AGBL1: variants seen among roughly 807,000 people sequenced by gnomAD.
The protein encoded by AGBL1 is cytosolic carboxypeptidase 4.
AGBL1 carries 130 observed loss-of-function variants against 118.9 expected under a neutral mutation model. The ratio of observed to expected loss-of-function variants is 1.09; its 90% CI spans 0.95 to 1.26. The LOEUF is 1.26. Ranked by LOEUF, AGBL1 falls within the 50% of genes most tolerant of loss-of-function variation. The pLI, the probability that AGBL1 is intolerant of heterozygous loss-of-function variation, is 0.00. For missense variants in AGBL1, 1,584 were observed against 1,298.1 expected (o/e 1.22, Z -3.38); for synonymous variants, 555 against 478.9 (o/e 1.16, Z -2.08).
At chr15:86,733,920 A>C (rs1309970835) in intron 22 of AGBL1, among the ~76,000 whole-genome samples, 4 of 151,854 alleles carry the variant, frequency 2.6e-5, no homozygotes, top group Admixed American at 6.6e-5. Context: ...TGCTGATGAG[A>C]CTACACAGTC....
At chr15:86,644,965 G>A (rs978468451) in intron 21 of AGBL1, among the ~76,000 whole-genome samples, 3 of 152,012 alleles carry the variant, frequency 2.0e-5, no homozygotes, top group South Asian at 4.1e-4. Context: ...AGGTTGCAGC[G>A]AGCGGAGATC....
chr15:86,969,535 G>A (rs918105381), intron 23 of AGBL1, among the ~76,000 whole-genome samples: 27 of 151,970 alleles, frequency 1.8e-4, no homozygotes, highest in African/African-American at 6.5e-4. Context: ...ATAGGCAAGT[G>A]TATTCATCAG....
chr15:86,899,114 A>G (rs1037655173), intron 22 of AGBL1, among the ~76,000 whole-genome samples: 1 of 152,200 alleles, frequency 6.6e-6, no homozygotes, highest in Admixed American at 6.5e-5. Flanking sequence ...CACGATACAC[A>G]ATAGCAAAGA....
At chr15:87,026,637 C>A (rs765532751) in intron 24 of AGBL1, among the ~76,000 whole-genome samples, 1 of 152,164 alleles carries the variant, frequency 6.6e-6, no homozygotes, top group Non-Finnish European at 1.5e-5. Flanking sequence ...CCAGCAATCC[C>A]ACTACTGATA....
intron 21 of AGBL1, among the ~76,000 whole-genome samples, chr15:86,568,130 A>G (rs2083944150): frequency 1.3e-5 from 2 of 152,148 alleles, no homozygotes; most frequent in Admixed American, 6.5e-5. Flanking sequence ...ACTGTCTAAT[A>G]TCCCATTGAG....
At chr15:86,670,718 A>G (rs1320633755) in intron 21 of AGBL1, among the ~76,000 whole-genome samples, 2 of 151,184 alleles carry the variant, frequency 1.3e-5, no homozygotes, top group African/African-American at 4.9e-5. Context: ...GTAATAGTCT[A>G]TCAATTTGCA....
intron 22 of AGBL1, among the ~76,000 whole-genome samples, chr15:86,742,900 C>G (rs1170889460): frequency 6.6e-6 from 1 of 152,080 alleles, no homozygotes; most frequent in Admixed American, 6.6e-5. Flanking sequence ...AATGAGAAAA[C>G]CAAACTGAAA....
At chr15:86,536,090 G>C (rs1019490037) in intron 19 of AGBL1, among the ~76,000 whole-genome samples, 1 of 152,080 alleles carries the variant, frequency 6.6e-6, no homozygotes, top group Non-Finnish European at 1.5e-5. Flanking sequence ...ATTTGGAATT[G>C]TTCCCATGCT....
At chr15:86,766,903 C>T (rs961460678) in intron 22 of AGBL1, among the ~76,000 whole-genome samples, 1 of 151,816 alleles carries the variant, frequency 6.6e-6, no homozygotes, top group Admixed American at 6.6e-5. Flanking sequence ...AGACAACCTA[C>T]AGACGCCATT....
intron 22 of AGBL1, among the ~76,000 whole-genome samples, chr15:86,820,344 A>G (rs568120893): frequency 2.0e-5 from 3 of 152,354 alleles, no homozygotes; most frequent in Admixed American, 2.0e-4. Flanking sequence ...CTATCACCAG[A>G]GTGAACAGGC....
chr15:86,444,405 G>T (rs2082098041), intron 18 of AGBL1, among the ~76,000 whole-genome samples: 1 of 152,158 alleles, frequency 6.6e-6, no homozygotes. Context: ...CTCAGCTATT[G>T]CATGATGGGA....
In AGBL1 at chr15:86,694,778, A is replaced by G. The variant is rs116407123; in HGVS notation, c.3158+20342A>G. On this transcript the variant is annotated intron_variant, in intron 22 of 22. Coordinates refer to ENST00000614907, the MANE Select transcript of AGBL1 (RefSeq NM_001386094.1). Reference sequence around the variant, plus strand: ...ATTAAGGTATGTCCCTTGTATGCCAATTTCGCTGAAGGTTTTAGTCATAAA... The same window carrying G: ...ATTAAGGTATGTCCCTTGTATGCCAGTTTCGCTGAAGGTTTTAGTCATAAA... Among the ~76,000 whole-genome samples, 216 of 152,144 alleles carry G rather than the reference A, an allele frequency of 1.4e-3. 2 individuals are homozygous for G. Among genetic ancestry groups the G allele is most frequent in the African/African-American group, 4.7e-3 (197 of 41,538 alleles).
rs144006774 is a variant in AGBL1 at position 86,846,033 on chromosome 15, A to T, written c.3159-61054A>T. 1.4e-3 allele frequency among the ~76,000 whole-genome samples: 216 copies of T among 152,336 alleles called. 1 individual carries two copies. The highest frequency in any genetic ancestry group is 6.8e-3 in the Middle Eastern group (2 of 294). On this transcript the variant is annotated intron_variant, in intron 22 of 22. Transcript: ENST00000614907. ...TTCAGTTTGCAAACTGATATTGCCA[A>T]TAAAACTCTCTTTTCTATTTAGCCA...
intron 9 of AGBL1, among the ~76,000 whole-genome samples, chr15:86,259,389 A>G (rs1446812463): frequency 1.3e-5 from 2 of 152,228 alleles, no homozygotes; most frequent in Non-Finnish European, 2.9e-5. Flanking sequence ...CTGTAAAATA[A>G]GAGTCAGTAA....
chr15:86,364,958 C>CACACATATATATAT (rs1474501613), intron 17 of AGBL1, among the ~76,000 whole-genome samples: 4 of 76,144 alleles, frequency 5.3e-5, no homozygotes, highest in Admixed American at 1.7e-4. Flanking sequence ...ATATGTCACA[C>CACACATATATATAT]ATATATATAT....
chr15:87,024,515 C>T (rs1206014948), intron 24 of AGBL1, among the ~76,000 whole-genome samples: 1 of 151,676 alleles, frequency 6.6e-6, no homozygotes, highest in African/African-American at 2.4e-5. Context: ...AGTTCAGGAC[C>T]AGACAGATTC....
At chr15:86,220,803 C>G (rs1184952187) in intron 5 of AGBL1, among the ~76,000 whole-genome samples, 2 of 152,192 alleles carry the variant, frequency 1.3e-5, no homozygotes, top group Non-Finnish European at 2.9e-5. Context: ...TCTGGCACTT[C>G]TACTTTCTAT....
intron 21 of AGBL1, among the ~76,000 whole-genome samples, chr15:86,564,019 T>A (rs571516130): frequency 6.6e-6 from 1 of 152,332 alleles, no homozygotes; most frequent in African/African-American, 2.4e-5. Context: ...TGAGCCTATT[T>A]GTGTTTCTGA....
At chr15:86,137,312 C>T (rs1269141023) in intron 1 of AGBL1, among the ~76,000 whole-genome samples, 1 of 152,224 alleles carries the variant, frequency 6.6e-6, no homozygotes, top group Admixed American at 6.5e-5. Context: ...TGTGGGTGAG[C>T]TGGCTCTCTG....
Sources: gnomAD v4.1 joint callset for allele counts (sites outside exome capture counted in the v4.1 genomes callset) on GRCh38, gnomAD v4.1.1 for gene constraint, MANE v1.5 for transcripts, NCBI Gene and HGNC (gene_info 2026-07-23, HGNC 2026-07-21) for gene names.